Variants in NRG3 observed in about 807,000 individuals in gnomAD.
NRG3 encodes the protein pro-neuregulin-3, membrane-bound isoform.
In NRG3, 31 loss-of-function variants were observed where a neutral mutation model predicts 66.9. The ratio of observed to expected loss-of-function variants is 0.46; its 90% CI spans 0.35 to 0.63. NRG3 has a LOEUF of 0.63. Among genes scored for constraint, NRG3 ranks in the 20% least tolerant of loss-of-function variants. NRG3 has a pLI of 0.00. For missense variants in NRG3, 910 were observed against 878.9 expected (o/e 1.04, Z -0.45); for synonymous variants, 393 against 359.4 (o/e 1.09, Z -1.06).
At chr10:82,785,717 A>G (rs1212498361) in intron 3 of NRG3, among the ~76,000 whole-genome samples, 1 of 152,152 alleles carries the variant, frequency 6.6e-6, no homozygotes, top group Admixed American at 6.5e-5. Flanking sequence ...TTGGTTCCTT[A>G]TAGTAAAATG....
In NRG3 at chr10:82,113,420, G is replaced by C. The variant is rs553148371; in HGVS notation, c.823+237257G>C. ...ACCATGCCAAACATGAATTCTAACT[G>C]TGTGTTCAGAGATGGTGTTCAGCAA... is the stretch of plus-strand genomic sequence containing the variant. On this transcript the variant is annotated intron_variant, in intron 1 of 8. Coordinates refer to ENST00000372141, the MANE Select transcript of NRG3 (RefSeq NM_001010848.4). Among the ~76,000 whole-genome samples, 22 of 152,236 alleles carry C rather than the reference G, an allele frequency of 1.4e-4. No homozygotes were observed. The East Asian group carries it at 2.9e-3, about 20-fold the overall frequency.
intron 4 of NRG3, among the ~76,000 whole-genome samples, chr10:82,884,161 G>A (rs903923650): frequency 3.3e-5 from 5 of 151,222 alleles, no homozygotes; most frequent in Non-Finnish European, 7.4e-5. Flanking sequence ...ATTTCCCTTG[G>A]GGGGAAAAAA....
At chr10:82,063,559 C>A (rs561657984) in intron 1 of NRG3, among the ~76,000 whole-genome samples, 7 of 146,740 alleles carry the variant, frequency 4.8e-5, no homozygotes. Context: ...GATAGTCAAT[C>A]GGTGCCCTTA....
intron 1 of NRG3, among the ~76,000 whole-genome samples, chr10:82,116,740 G>T (rs1402438308): frequency 3.3e-5 from 5 of 152,044 alleles, no homozygotes; most frequent in Non-Finnish European, 7.4e-5. Flanking sequence ...GTGAATCTTT[G>T]TGTCTGGGAA....
Position 82,891,914 on chromosome 10 carries a change from A to G in NRG3, c.1054+26477A>G, listed in dbSNP as rs962271998. ...TGATTTTGCTTAAGGCTTAGAAGCTATCTGCTATTGCAGTAAGAAAGTTTC... is the reference window on the plus strand; with the variant it reads ...TGATTTTGCTTAAGGCTTAGAAGCTGTCTGCTATTGCAGTAAGAAAGTTTC... On this transcript the variant is annotated intron_variant, in intron 4 of 8. Coordinates refer to ENST00000372141, the MANE Select transcript of NRG3 (RefSeq NM_001010848.4). Among the ~76,000 whole-genome samples the G allele has an allele frequency of 2.6e-5, 4 of 152,124 alleles. No individual in the cohort carries two copies. In the East Asian group the frequency reaches 5.8e-4, roughly 22 times the overall value.
intron 1 of NRG3, among the ~76,000 whole-genome samples, chr10:82,202,089 CAGA>C (rs1167148211): frequency 1.3e-5 from 2 of 152,084 alleles, no homozygotes; most frequent in Non-Finnish European, 2.9e-5. Context: ...AAACAGGAAA[CAGA>C]AGTTTAGATG....
intron 3 of NRG3, among the ~76,000 whole-genome samples, chr10:82,833,307 C>A (rs934105951): frequency 6.6e-6 from 1 of 152,122 alleles, no homozygotes; most frequent in Non-Finnish European, 1.5e-5. Context: ...GAGCATTCTA[C>A]TCAGTCATTT....
At chr10:81,932,651 T>C (rs1451395609) in intron 1 of NRG3, among the ~76,000 whole-genome samples, 1 of 152,138 alleles carries the variant, frequency 6.6e-6, no homozygotes, top group Non-Finnish European at 1.5e-5. Context: ...TCAATTACCT[T>C]TAAGCAAAAA....
rs748341403 is a variant in NRG3 at position 82,448,190 on chromosome 10, T to C, written c.953+89322T>C. 2.2e-4 allele frequency among the ~76,000 whole-genome samples: 34 copies of C among 152,310 alleles called. 1 individual carries two copies. The highest frequency in any genetic ancestry group is 2.1e-4 in the South Asian group (1 of 4,828). On this transcript the variant is annotated intron_variant, in intron 2 of 8. Transcript: ENST00000372141. The stretch of plus-strand genomic sequence containing the variant: ...ATAATCTACTATTAGAAACAGGTAT[T>C]CAATTTTACTAGGGAAATGTATAAT...
chr10:82,507,126 T>C (rs1396195329), intron 2 of NRG3, among the ~76,000 whole-genome samples: 1 of 152,180 alleles, frequency 6.6e-6, no homozygotes, highest in Non-Finnish European at 1.5e-5. Flanking sequence ...CATAAAACCT[T>C]GTATAATGAT....
At chr10:82,951,359 C>A in intron 4 of NRG3, 110 bp from the exon 5 acceptor site, 4 of 747,310 alleles carry the variant, frequency 5.4e-6, no homozygotes, top group Middle Eastern at 4.9e-4. Context: ...ATGACAGAAA[C>A]CAAAAAGTTG....
intron 3 of NRG3, among the ~76,000 whole-genome samples, chr10:82,773,271 A>G (rs1420742647): frequency 6.6e-6 from 1 of 152,132 alleles, no homozygotes; most frequent in Non-Finnish European, 1.5e-5. Context: ...CTTTTAGGTC[A>G]TAGCCATTCT....
At chr10:82,465,563 G>A (rs1440093484) in intron 2 of NRG3, among the ~76,000 whole-genome samples, 5 of 152,206 alleles carry the variant, frequency 3.3e-5, no homozygotes, top group Admixed American at 3.3e-4. Flanking sequence ...GCACTTGGCA[G>A]TCCTGGATGG....
intron 2 of NRG3, among the ~76,000 whole-genome samples, chr10:82,433,589 A>C (rs1000841812): frequency 1.3e-5 from 2 of 152,142 alleles, no homozygotes; most frequent in Non-Finnish European, 2.9e-5. Context: ...TAGGTTTTAC[A>C]TTTAAGTATT....
rs192003657 is a variant in NRG3, at chr10:81,979,109, A to T, written c.823+102946A>T. On this transcript the variant is annotated intron_variant, in intron 1 of 8. Transcript: ENST00000372141. ...GAGGCTGAGGCAGGAGAATCGCTTG[A>T]ACCTGGGAGGCAGAGGTTGCAGTGA... Among the ~76,000 whole-genome samples, 323 of 150,554 alleles carry T rather than the reference A, an allele frequency of 2.1e-3. 1 individual carries two copies. The highest frequency in any genetic ancestry group is 7.1e-3 in the Middle Eastern group (2 of 280).
At chr10:82,873,486 C>A (rs2136001995) in intron 4 of NRG3, among the ~76,000 whole-genome samples, 1 of 152,208 alleles carries the variant, frequency 6.6e-6, no homozygotes, top group Admixed American at 6.5e-5. Flanking sequence ...GAGAAACAAC[C>A]AATCATTTAG....
At chr10:82,812,599 TA>T (rs1413896222) in intron 3 of NRG3, among the ~76,000 whole-genome samples, 3 of 152,122 alleles carry the variant, frequency 2.0e-5, no homozygotes, top group Non-Finnish European at 2.9e-5. Context: ...TCAACACTGC[TA>T]AAAACCACAT....
chr10:81,922,811 C>T (rs1016091195), intron 1 of NRG3, among the ~76,000 whole-genome samples: 1 of 151,882 alleles, frequency 6.6e-6, no homozygotes, highest in Non-Finnish European at 1.5e-5. Context: ...TTTAAATGTC[C>T]CAAATATTTG....
intron 6 of NRG3, among the ~76,000 whole-genome samples, chr10:82,960,504 AT>A (rs1850536972): frequency 1.4e-5 from 2 of 146,646 alleles, no homozygotes; most frequent in African/African-American, 5.0e-5. Flanking sequence ...AAGTAAAATT[AT>A]ATTTGTTTGT....
Sources: allele counts gnomAD v4.1 joint callset (sites outside exome capture counted in the v4.1 genomes callset), GRCh38; gene constraint gnomAD v4.1.1; transcripts MANE v1.5; gene names NCBI Gene and HGNC (gene_info 2026-07-23, HGNC 2026-07-21).